Variants in SLC35F4 observed in about 807,000 individuals in gnomAD.
The protein encoded by SLC35F4 is chromosome 14 open reading frame 36.
SLC35F4 carries 24 observed loss-of-function variants against 44.2 expected under a neutral mutation model. The ratio of observed to expected loss-of-function variants is 0.54; its 90% CI spans 0.39 to 0.76. SLC35F4 has a LOEUF of 0.76. SLC35F4 is among the 30% of genes least tolerant of loss of function. SLC35F4 has a pLI of 0.00. For synonymous variants in SLC35F4, 238 were observed against 223.6 expected (o/e 1.06, Z -0.57); for missense variants, 562 against 586.1 (o/e 0.96, Z 0.42).
chr14:57,745,522 A>C (rs1382337632), intron 1 of SLC35F4, among the ~76,000 whole-genome samples: 3 of 152,222 alleles, frequency 2.0e-5, no homozygotes, highest in African/African-American at 7.2e-5. Context: ...TGCAAATCAA[A>C]ACCACAATGA....
chr14:57,567,897 G>C (rs565492490), intron 6 of SLC35F4, among the ~76,000 whole-genome samples: 4 of 152,224 alleles, frequency 2.6e-5, no homozygotes, highest in Non-Finnish European at 5.9e-5. Context: ...GTGAGGCAAA[G>C]TAAACATAAG....
intron 1 of SLC35F4, among the ~76,000 whole-genome samples, chr14:57,890,658 T>G (rs1888742395): frequency 6.6e-6 from 1 of 152,148 alleles, no homozygotes; most frequent in South Asian, 2.1e-4. Context: ...GTTCTCACCA[T>G]TGTATGTCTA....
intron 1 of SLC35F4, among the ~76,000 whole-genome samples, chr14:57,624,021 T>C (rs1435999558): frequency 2.0e-5 from 3 of 152,154 alleles, no homozygotes; most frequent in Non-Finnish European, 1.5e-5. Context: ...AGCTGGTTTT[T>C]TGAAATGATC....
At chr14:57,643,108 T>C (rs1423204333) in intron 1 of SLC35F4, among the ~76,000 whole-genome samples, 3 of 152,026 alleles carry the variant, frequency 2.0e-5, no homozygotes, top group South Asian at 2.1e-4. Flanking sequence ...TTGGTTCTTA[T>C]TGTAAATGAC....
At chr14:57,803,101 C>G (rs1467159973) in intron 1 of SLC35F4, among the ~76,000 whole-genome samples, 1 of 151,952 alleles carries the variant, frequency 6.6e-6, no homozygotes, top group Non-Finnish European at 1.5e-5. Flanking sequence ...AAAAGCTTAT[C>G]CACCATGATC....
At chr14:57,939,216 C>T (rs923810260) in intron 1 of SLC35F4, among the ~76,000 whole-genome samples, 1 of 151,996 alleles carries the variant, frequency 6.6e-6, no homozygotes, top group Non-Finnish European at 1.5e-5. Context: ...GAGATTCTGG[C>T]GTGGAAGGGA....
At chr14:57,725,764 C>A (rs773546201) in intron 1 of SLC35F4, among the ~76,000 whole-genome samples, 1 of 152,106 alleles carries the variant, frequency 6.6e-6, no homozygotes, top group Non-Finnish European at 1.5e-5. Context: ...CTCCAGAAGG[C>A]CATGTATACT....
At chr14:57,664,439 C>T (rs1006533941) in intron 1 of SLC35F4, among the ~76,000 whole-genome samples, 8 of 152,196 alleles carry the variant, frequency 5.3e-5, no homozygotes, top group African/African-American at 1.9e-4. Context: ...GACAGAGTCT[C>T]GCTCCGTCAT....
chr14:57,943,526 G>A lies in SLC35F4; in HGVS notation n.282+38387C>T, dbSNP rs1041738219. Among the ~76,000 whole-genome samples, 3 of 152,172 alleles carry A rather than the reference G, an allele frequency of 2.0e-5. No individual in the cohort carries two copies. The East Asian group carries it at 5.8e-4, about 29-fold the overall frequency. On this transcript the variant is annotated intron_variant and non_coding_transcript_variant, in intron 1 of 1. Transcript: ENST00000556568. Reference sequence around the variant, plus strand: ...CTCTCATATAGTTAATAGTCTCACCGCATGGTGCCTTAGCAAAGTACAACG... The same window carrying A: ...CTCTCATATAGTTAATAGTCTCACCACATGGTGCCTTAGCAAAGTACAACG...
chr14:57,696,238 A>T (rs2075380303), intron 1 of SLC35F4, among the ~76,000 whole-genome samples: 1 of 152,210 alleles, frequency 6.6e-6, no homozygotes, highest in African/African-American at 2.4e-5. Flanking sequence ...TTTATAAGAA[A>T]AAAACAAACT....
At chr14:57,659,937 G>A (rs1230716879) in intron 1 of SLC35F4, among the ~76,000 whole-genome samples, 1 of 152,164 alleles carries the variant, frequency 6.6e-6, no homozygotes, top group African/African-American at 2.4e-5. Flanking sequence ...ATGAAGTTAT[G>A]AGCTAGTTAG....
chr14:57,710,074 C>T (rs1300375945), intron 1 of SLC35F4, among the ~76,000 whole-genome samples: 1 of 152,196 alleles, frequency 6.6e-6, no homozygotes, highest in Non-Finnish European at 1.5e-5. Context: ...CAGGCCCTCC[C>T]ATCACAGGCC....
intron 5 of SLC35F4, 48 bp downstream of exon 5, chr14:57,571,846 T>C: frequency 6.3e-7 from 1 of 1,587,948 alleles, no homozygotes; most frequent in South Asian, 1.1e-5. Flanking sequence ...AGTACTCAAG[T>C]CTAAGTTATG....
At chr14:57,905,699 T>C (rs1197774753) in intron 1 of SLC35F4, among the ~76,000 whole-genome samples, 2 of 152,176 alleles carry the variant, frequency 1.3e-5, no homozygotes, top group African/African-American at 2.4e-5. Flanking sequence ...GAGGGTTTTC[T>C]AGCCTGTCTG....
chr14:57,661,917 C>A (rs917130302), intron 1 of SLC35F4, among the ~76,000 whole-genome samples: 15 of 152,172 alleles, frequency 9.9e-5, no homozygotes, highest in African/African-American at 3.6e-4. Context: ...AGGTCACAAG[C>A]TCAAGGGTGT....
intron 1 of SLC35F4, among the ~76,000 whole-genome samples, chr14:57,981,174 GGTTTTCTGAACTGGTTTCTTGTTTTCT>G (rs1039511892): frequency 6.6e-6 from 1 of 152,154 alleles, no homozygotes; most frequent in Non-Finnish European, 1.5e-5. Flanking sequence ...GCTGGTTTCT[GGTTTTCTGAACTGGTTTCTTGTTTTCT>G]GTCCTCTGAA....
chr14:57,640,971 A>G (rs2073205136), intron 1 of SLC35F4, among the ~76,000 whole-genome samples: 1 of 152,016 alleles, frequency 6.6e-6, no homozygotes, highest in Admixed American at 6.6e-5. Context: ...ATCGATAAAT[A>G]GTGGCTGACT....
intron 1 of SLC35F4, among the ~76,000 whole-genome samples, chr14:57,717,580 GA>G: frequency 6.6e-6 from 1 of 152,316 alleles, no homozygotes; most frequent in South Asian, 2.1e-4. Flanking sequence ...AGCTTGCAGT[GA>G]GCCGAGATCG....
chr14:57,873,178 C>T (rs971449450), intron 1 of SLC35F4, among the ~76,000 whole-genome samples: 1 of 152,130 alleles, frequency 6.6e-6, no homozygotes, highest in African/African-American at 2.4e-5. Flanking sequence ...AACAGAACTT[C>T]GTATGTCCCC....
Sources: allele counts gnomAD v4.1 joint callset (sites outside exome capture counted in the v4.1 genomes callset), GRCh38; gene constraint gnomAD v4.1.1; transcripts MANE v1.5; gene names NCBI Gene and HGNC (gene_info 2026-07-23, HGNC 2026-07-21).